Variants in VPS37B observed in about 807,000 individuals in gnomAD.
VPS37B encodes vacuolar protein sorting-associated protein 37B.
VPS37B carries 11 observed loss-of-function variants against 21.2 expected under a neutral mutation model. The ratio of observed to expected loss-of-function variants is 0.52; its 90% CI spans 0.33 to 0.86. VPS37B has a LOEUF of 0.86. Among genes scored for constraint, VPS37B ranks in the 40% least tolerant of loss-of-function variants. The pLI is 0.03. For missense variants in VPS37B, 389 were observed against 374.8 expected, an observed-to-expected ratio of 1.04 and a Z score of -0.31; for synonymous variants, 175 against 159.6, an observed-to-expected ratio of 1.10 and a Z score of -0.73.
chr12:122,868,209 A>T lies in VPS37B; in HGVS notation c.366+271T>A, dbSNP rs144788430. ...GAACGACGGCACGTGGTAATCCGCC[A>T]CTGGCCCCAGGGGCCGGCGTTCACA... On this transcript the variant is annotated intron_variant, in intron 3 of 3. Transcript: ENST00000267202. This position sits in a 1 kb window ranked among gnomAD's most constrained non-coding sequence, Gnocchi z 5.5. 6.6e-6 allele frequency among the ~76,000 whole-genome samples: 1 copy of T among 152,310 alleles called. No homozygotes were observed. The highest frequency in any genetic ancestry group is 1.5e-5 in the Non-Finnish European group (1 of 68,010).
chr12:122,867,336 G>C lies in VPS37B; in HGVS notation c.638C>G (p.Pro213Arg). 1.3e-6 allele frequency: 2 copies of C among 1,594,850 alleles called. No homozygotes were observed. The highest frequency in any genetic ancestry group is 8.5e-7 in the Non-Finnish European group (1 of 1,170,710). Residue 213 changes from proline (P) to arginine (R), a missense_variant, in exon 4 of 4, where the codon CCG becomes CGG. Transcript: ENST00000267202. The surrounding 1 kb of genome is among the most constrained non-coding windows in gnomAD (Gnocchi z 5.5). ...APRRIPPPPP[P>R]VPAGRLATPF... ...GGTGGCTAAGCGTCCCGCAGGCACCGGGGGTGGTGGGGGGGGGATGCGCCG... is the reference window on the plus strand; with the variant it reads ...GGTGGCTAAGCGTCCCGCAGGCACCCGGGGTGGTGGGGGGGGGATGCGCCG...
chr12:122,872,277 C>T (rs2034054442), intron 1 of VPS37B: 2 of 985,356 alleles, frequency 2.0e-6, no homozygotes, highest in Non-Finnish European at 2.4e-6. Context: ...CCCTTGGATC[C>T]ATGCCTCAAT....
chr12:122,888,542 C>A (rs907849471), intron 1 of VPS37B: 12 of 455,970 alleles, frequency 2.6e-5, no homozygotes, highest in African/African-American at 6.0e-5. Context: ...TCCATAGCAA[C>A]ATTCTGCTAC....
In VPS37B at chr12:122,867,416, G is replaced by A. The variant is rs765717985; in HGVS notation, c.558C>T (p.Thr186=). 1.6e-5 allele frequency: 26 copies of A among 1,608,542 alleles called. No individual in the cohort carries two copies. Among genetic ancestry groups the A allele is most frequent in the East Asian group, 6.7e-5 (3 of 44,740 alleles). Residue 186 remains threonine, a synonymous_variant, in exon 4 of 4, where the codon ACC becomes ACT. Coordinates refer to ENST00000267202, the MANE Select transcript of VPS37B (RefSeq NM_024667.3). This position sits in a 1 kb window ranked among gnomAD's most constrained non-coding sequence, Gnocchi z 5.5. ...CTGGGGCAGGGTAGGGAAGGGGGGCGGTAGGTGCCAGTTCGGGCAGCCTGG... is the reference window on the plus strand; with the variant it reads ...CTGGGGCAGGGTAGGGAAGGGGGGCAGTAGGTGCCAGTTCGGGCAGCCTGG... ...LPPRLPELAP[T]APLPYPAPEA... is the part of the protein sequence containing the mutation.
chr12:122,892,687 G>A (rs568913870), intron 1 of VPS37B, among the ~76,000 whole-genome samples: 225 of 152,280 alleles, frequency 1.5e-3, no homozygotes, highest in Non-Finnish European at 2.6e-3. Context: ...GGAAATCAAG[G>A]CAGGAAGATG....
chr12:122,873,148 G>C (rs926035901), intron 1 of VPS37B: 2 of 152,188 alleles, frequency 1.3e-5, no homozygotes, highest in African/African-American at 4.8e-5. Context: ...GCACGGGGAC[G>C]GAGCCGTCCT....
chr12:122,872,510 A>G, intron 1 of VPS37B: 1 of 985,440 alleles, frequency 1.0e-6, no homozygotes, highest in Non-Finnish European at 1.2e-6. Flanking sequence ...TGATGCCTTT[A>G]GCAAAAAAGG....
chr12:122,868,131 T>C lies in VPS37B; in HGVS notation c.366+349A>G, dbSNP rs2033946143. Reference sequence around the variant, plus strand: ...CGCCTGGCGAGGCTCAAGGCTCTAATGCGCAGCTGGACGTGTCCCAGAAGC... The same window carrying C: ...CGCCTGGCGAGGCTCAAGGCTCTAACGCGCAGCTGGACGTGTCCCAGAAGC... On this transcript the variant is annotated intron_variant, in intron 3 of 3. Coordinates refer to ENST00000267202, the MANE Select transcript of VPS37B (RefSeq NM_024667.3). This position sits in a 1 kb window ranked among gnomAD's most constrained non-coding sequence, Gnocchi z 5.5. 6.6e-6 allele frequency among the ~76,000 whole-genome samples: 1 copy of C among 152,244 alleles called. No homozygotes were observed. The highest frequency in any genetic ancestry group is 2.4e-5 in the African/African-American group (1 of 41,460).
At chr12:122,892,077 C>T (rs1324432628) in intron 1 of VPS37B, among the ~76,000 whole-genome samples, 2 of 152,168 alleles carry the variant, frequency 1.3e-5, no homozygotes, top group African/African-American at 4.8e-5. Context: ...GAGTGCCCTG[C>T]AAGTCCAATG....
chr12:122,865,922 G>A lies in VPS37B; in HGVS notation c.*1194C>T, dbSNP rs2033889448. 1 of 152,414 alleles carries A rather than the reference G, an allele frequency of 6.6e-6. No individual in the cohort carries two copies. The highest frequency in any genetic ancestry group is 1.5e-5 in the Non-Finnish European group (1 of 68,150). The allele number at this position is 152,414 out of a possible 1,614,324, so 9.4% of individuals were successfully genotyped here. ...CAGGGGTGGGGGAAGAGCAGGTGCA[G>A]ACGGTTGGAGTGCAGCCCCGTCCCT... On this transcript the variant is annotated 3_prime_UTR_variant, in exon 4 of 4. Transcript: ENST00000267202.
intron 2 of VPS37B, among the ~76,000 whole-genome samples, chr12:122,869,602 GA>G (rs145177623): frequency 0.02 from 3,036 of 152,332 alleles, 104 homozygotes; most frequent in African/African-American, 0.068. Flanking sequence ...CCTCACTGCA[GA>G]AGGTGATCTT....
intron 2 of VPS37B, among the ~76,000 whole-genome samples, chr12:122,869,226 G>A (rs1405739307): frequency 1.3e-5 from 2 of 152,188 alleles, no homozygotes; most frequent in African/African-American, 4.8e-5. Context: ...TTTATTATAA[G>A]GTAATAAAGA....
rs2135690059 is a variant in VPS37B, at chr12:122,865,921, A to T, written c.*1195T>A. On this transcript the variant is annotated 3_prime_UTR_variant, in exon 4 of 4. Transcript: ENST00000267202. ...ACAGGGGTGGGGGAAGAGCAGGTGC[A>T]GACGGTTGGAGTGCAGCCCCGTCCC... is the stretch of plus-strand genomic sequence containing the variant. The T allele has an allele frequency of 6.6e-6, 1 of 152,516 alleles. No individual in the cohort carries two copies. Among genetic ancestry groups the T allele is most frequent in the African/African-American group, 2.4e-5 (1 of 41,600 alleles). The allele number at this position is 152,516 out of a possible 1,614,324, so 9.4% of individuals were successfully genotyped here. A position where few individuals can be genotyped will look rare whatever the true frequency, so the allele number is the denominator to read the frequency against.
At chr12:122,882,890 G>A (rs763608439) in intron 1 of VPS37B, 1 of 152,216 alleles carries the variant, frequency 6.6e-6, no homozygotes, top group Non-Finnish European at 1.5e-5. Flanking sequence ...TAGATGTGCT[G>A]TAAACACATT....
chr12:122,886,162 G>C (rs1423959024), intron 1 of VPS37B: 2 of 152,122 alleles, frequency 1.3e-5, no homozygotes, highest in Non-Finnish European at 2.9e-5. Context: ...ATACTCTTGG[G>C]CTATGGAAGC....
chr12:122,891,619 T>C (rs566860322), intron 1 of VPS37B, among the ~76,000 whole-genome samples: 107 of 152,338 alleles, frequency 7.0e-4, no homozygotes, highest in African/African-American at 2.5e-3. Flanking sequence ...TACATAATGA[T>C]TATAAAACAT....
chr12:122,882,179 A>C (rs940512113), intron 1 of VPS37B: 2 of 152,146 alleles, frequency 1.3e-5, no homozygotes, highest in African/African-American at 4.8e-5. Flanking sequence ...AGCTGGATAA[A>C]TGCTTGGTTC....
intron 1 of VPS37B, chr12:122,886,349 G>A (rs888727123): frequency 2.0e-5 from 3 of 152,216 alleles, no homozygotes; most frequent in Admixed American, 6.5e-5. Context: ...TGGCCGGTGT[G>A]GTGGCTCACG....
intron 1 of VPS37B, chr12:122,877,278 C>T (rs927706824): frequency 3.9e-5 from 6 of 152,140 alleles, no homozygotes; most frequent in African/African-American, 7.2e-5. Context: ...ATTTGGGCTG[C>T]GTTAGGATAA....
Sources: gnomAD v4.1 joint callset for allele counts (sites outside exome capture counted in the v4.1 genomes callset) on GRCh38, gnomAD v4.1.1 for gene constraint, Gnocchi (gnomAD v3.1) non-coding constraint, MANE v1.5 for transcripts, NCBI Gene and HGNC (gene_info 2026-07-23, HGNC 2026-07-21) for gene names.